Variants in MRFAP1L2 observed in about 807,000 individuals in gnomAD.
The protein encoded by MRFAP1L2 is Morf4 family associated protein 1 like 2.
At chr4:6,674,781 T>G in the MRFAP1L2 span, 181 of 489,988 alleles carry the variant, frequency 3.7e-4, 1 homozygote, top group East Asian at 6.4e-3. Flanking sequence ...GACGTAGACC[T>G]GGTGGGTCAC....
chr4:6,674,381 G>A, the MRFAP1L2 span: 5 of 648,436 alleles, frequency 7.7e-6, no homozygotes, highest in Admixed American at 1.2e-4. Context: ...GAGCCTGCTC[G>A]ACGCCATCAA....
chr4:6,674,385 C>T, the MRFAP1L2 span: 2 of 649,606 alleles, frequency 3.1e-6, no homozygotes, highest in African/African-American at 1.9e-5. Flanking sequence ...CTGCTCGACG[C>T]CATCAAGAGT....
At chr4:6,675,458 T>C in the MRFAP1L2 span, 27 of 151,400 alleles carry the variant, frequency 1.8e-4, no homozygotes, top group African/African-American at 4.8e-4. Context: ...GTCAAAGTTG[T>C]GAATGCGACT....
the MRFAP1L2 span, chr4:6,674,221 C>T: frequency 5.0e-5 from 20 of 403,502 alleles, no homozygotes; most frequent in East Asian, 4.1e-4. Flanking sequence ...TGATGCGGCC[C>T]GTGGACGCGG....
At chr4:6,675,768 C>T in the MRFAP1L2 span, 1 of 152,176 alleles carries the variant, frequency 6.6e-6, no homozygotes, top group Non-Finnish European at 1.5e-5. Flanking sequence ...GCCACAGATG[C>T]ATGTGACCTC....
At chr4:6,674,411 G>A in the MRFAP1L2 span, 8 of 654,610 alleles carry the variant, frequency 1.2e-5, no homozygotes, top group African/African-American at 5.7e-5. Context: ...GGAGGCAGAG[G>A]AGCGGGGCGC....
chr4:6,674,622 G>A, the MRFAP1L2 span: 6 of 577,462 alleles, frequency 1.0e-5, no homozygotes, highest in African/African-American at 9.9e-5. Context: ...GGAGTGTCCC[G>A]CGTGGAAGGC....
At chr4:6,674,505 A>T in the MRFAP1L2 span, 1 of 671,738 alleles carries the variant, frequency 1.5e-6, no homozygotes, top group Non-Finnish European at 2.7e-6. Flanking sequence ...AAGGCTGCGG[A>T]GGCGGCGCGG....
the MRFAP1L2 span, chr4:6,674,590 G>C: frequency 2.8e-5 from 17 of 613,978 alleles, no homozygotes; most frequent in Non-Finnish European, 3.7e-5. Flanking sequence ...AGGCCGCGCG[G>C]GTCTGGAGCG....
the MRFAP1L2 span, chr4:6,674,128 G>T: frequency 2.6e-6 from 1 of 384,934 alleles, no homozygotes; most frequent in African/African-American, 2.1e-5. Context: ...TTGCTAGTCT[G>T]GTCGTTGGTG....
chr4:6,674,084 T>A, the MRFAP1L2 span: 3 of 386,596 alleles, frequency 7.8e-6, no homozygotes, highest in Non-Finnish European at 1.4e-5. Flanking sequence ...CCATTTTGGA[T>A]ACCGTCCTCG....
chr4:6,674,669 A>G, the MRFAP1L2 span: 1 of 530,852 alleles, frequency 1.9e-6, no homozygotes. Context: ...GAGCCGTGCC[A>G]CGCTCTCCGC....
At chr4:6,675,484 A>G in the MRFAP1L2 span, 14 of 131,470 alleles carry the variant, frequency 1.1e-4, no homozygotes, top group East Asian at 2.4e-3. Flanking sequence ...TGAGATTAAG[A>G]AGGCCCAGTG....
chr4:6,674,580 A>AG, the MRFAP1L2 span: 1 of 632,572 alleles, frequency 1.6e-6, no homozygotes, highest in Non-Finnish European at 2.8e-6. Flanking sequence ...TGAGCCGGCG[A>AG]GGCCGCGCGG....
the MRFAP1L2 span, chr4:6,674,504 G>A: frequency 1.5e-6 from 1 of 672,062 alleles, no homozygotes; most frequent in African/African-American, 1.9e-5. Flanking sequence ...GAAGGCTGCG[G>A]AGGCGGCGCG....
At chr4:6,675,872 G>C in the MRFAP1L2 span, 1 of 152,192 alleles carries the variant, frequency 6.6e-6, no homozygotes, top group Admixed American at 6.5e-5. Context: ...ACTAGCCTAG[G>C]TCATCAGAGC....
At chr4:6,674,733 T>C in the MRFAP1L2 span, 1 of 522,906 alleles carries the variant, frequency 1.9e-6, no homozygotes, top group African/African-American at 2.0e-5. Context: ...ATTTGATATG[T>C]TGTTGTAAAG....
At chr4:6,674,632 C>T in the MRFAP1L2 span, 2 of 563,794 alleles carry the variant, frequency 3.5e-6, no homozygotes, top group East Asian at 3.4e-5. Flanking sequence ...GCGTGGAAGG[C>T]GCTGGGTAGG....
At chr4:6,674,465 G>A in the MRFAP1L2 span, 2 of 661,666 alleles carry the variant, frequency 3.0e-6, no homozygotes, top group African/African-American at 1.9e-5. Flanking sequence ...TGAGGAGCGG[G>A]TGGCTCGGCT....
Sources: gnomAD v4.1 joint callset for allele counts on GRCh38, gnomAD v4.1.1 for gene constraint, MANE v1.5 for transcripts, NCBI Gene and HGNC (gene_info 2026-07-23, HGNC 2026-07-21) for gene names.